PDE8A: variants seen among roughly 807,000 people sequenced by gnomAD.
PDE8A encodes the protein high affinity cAMP-specific and IBMX-insensitive 3',5'-cyclic phosphodiesterase 8A.
A neutral mutation model predicts 105.0 loss-of-function variants in PDE8A; 59 were observed. The observed-to-expected ratio is 0.56, with a 90% CI of 0.46 to 0.70. The LOEUF is 0.70. Ranked by LOEUF, PDE8A falls within the 30% of genes least tolerant of loss-of-function variation. The pLI, the probability that PDE8A is intolerant of heterozygous loss-of-function variation, is 0.00. For missense variants in PDE8A, 1,014 were observed against 1,045.9 expected (o/e 0.97, Z 0.42); for synonymous variants, 355 against 371.9 (o/e 0.95, Z 0.52).
intron 20 of PDE8A, among the ~76,000 whole-genome samples, chr15:85,134,387 G>A (rs2082373141): frequency 6.6e-6 from 1 of 152,196 alleles, no homozygotes; most frequent in Non-Finnish European, 1.5e-5. Context: ...ACAGGCCCAT[G>A]GGGTGTGAAC....
Position 85,125,413 on chromosome 15 carries a change from GTGGTTCTA to G in PDE8A, c.2086-792_2086-785del, listed in dbSNP as rs1402009038. ...ATTCTCTTCAGAGAGCCTACAAATA[GTGGTTCTA>G]TTACATCATAAATTGATCCATATCC... On this transcript the variant is annotated intron_variant, in intron 19 of 21. Transcript: ENST00000394553. 6.6e-5 allele frequency among the ~76,000 whole-genome samples: 10 copies of G among 152,200 alleles called. No individual in the cohort carries two copies. The South Asian group carries it at 2.1e-3, about 32-fold the overall frequency.
intron 11 of PDE8A, among the ~76,000 whole-genome samples, chr15:85,102,683 T>C (rs1025990194): frequency 1.3e-5 from 2 of 151,044 alleles, no homozygotes; most frequent in Admixed American, 6.6e-5. Context: ...CTACTAAAAA[T>C]ACAAAATTAG....
At chr15:85,052,196 C>T (rs1391645444) in intron 1 of PDE8A, among the ~76,000 whole-genome samples, 1 of 152,160 alleles carries the variant, frequency 6.6e-6, no homozygotes, top group Non-Finnish European at 1.5e-5. Flanking sequence ...TGTATATGTA[C>T]CACATTTGCT....
rs2079717337 is a variant in PDE8A at position 84,981,998 on chromosome 15, C to G, written c.-165C>G. On this transcript the variant is annotated 5_prime_UTR_variant, in exon 1 of 22. Coordinates refer to ENST00000394553, the MANE Select transcript of PDE8A (RefSeq NM_002605.3). Reference sequence around the variant, plus strand: ...GCCGCCGCCGCCGCAGCGCCCGCACCGCGATAAAAGGGGCGGCCGCGTTTC... The same window carrying G: ...GCCGCCGCCGCCGCAGCGCCCGCACGGCGATAAAAGGGGCGGCCGCGTTTC... 6.1e-6 allele frequency: 2 copies of G among 330,066 alleles called. No homozygotes were observed. Among genetic ancestry groups the G allele is most frequent in the South Asian group, 1.3e-4 (1 of 7,436 alleles). 20.4% of individuals were successfully genotyped at this position (330,066 alleles called of 1,614,324 possible). A position where few individuals can be genotyped will look rare whatever the true frequency, so the allele number is the denominator to read the frequency against.
upstream of PDE8A, among the ~76,000 whole-genome samples, chr15:84,981,437 T>C (rs2079705853): frequency 6.6e-6 from 1 of 152,020 alleles, no homozygotes; most frequent in Admixed American, 6.5e-5. Context: ...GCGCAGCCGT[T>C]TCTGCGCTTC....
At position 85,136,317 on chromosome 15, in the gene PDE8A, G is replaced by A. The variant is rs543255575; in HGVS notation, c.2254-217G>A. Among the ~76,000 whole-genome samples the A allele has an allele frequency of 6.0e-4, 91 of 152,318 alleles. 1 individual carries two copies. Among genetic ancestry groups the A allele is most frequent in the Admixed American group, 7.8e-4 (12 of 15,310 alleles). ...AGATGTTTAAAGTTTGGCTTGAGTT[G>A]GGGTGTCCTCAGACCCCACTGACAT... On this transcript the variant is annotated intron_variant, in intron 20 of 21. Transcript: ENST00000394553.
chr15:85,019,981 G>A (rs2080397057), intron 1 of PDE8A, among the ~76,000 whole-genome samples: 1 of 97,388 alleles, frequency 1.0e-5, no homozygotes, highest in Non-Finnish European at 1.9e-5. Context: ...GGCTTCCTGT[G>A]ACTAGGATTC....
rs970301146 is a variant in PDE8A at position 85,106,772 on chromosome 15, C to T, written c.1037-2281C>T. Among the ~76,000 whole-genome samples, 5 of 152,214 alleles carry T rather than the reference C, an allele frequency of 3.3e-5. No homozygotes were observed. The East Asian group carries it at 9.6e-4, about 29-fold the overall frequency. ...GAGATGAAAGGCAGGCTGCTGCAGGCCATCCTTACCTGCCCTTGAATGCCA... is the reference window on the plus strand; with the variant it reads ...GAGATGAAAGGCAGGCTGCTGCAGGTCATCCTTACCTGCCCTTGAATGCCA... On this transcript the variant is annotated intron_variant, in intron 11 of 21. Transcript: ENST00000394553.
At chr15:85,133,138 A>G (rs939936964) in intron 20 of PDE8A, among the ~76,000 whole-genome samples, 3 of 152,120 alleles carry the variant, frequency 2.0e-5, no homozygotes, top group South Asian at 4.1e-4. Flanking sequence ...CTGCATATAC[A>G]TACTCTTCTT....
intron 1 of PDE8A, among the ~76,000 whole-genome samples, chr15:85,001,665 A>G (rs1044932523): frequency 2.6e-5 from 4 of 152,208 alleles, no homozygotes; most frequent in Non-Finnish European, 5.9e-5. Flanking sequence ...TGAAGACGTC[A>G]TTACAAATCA....
chr15:84,997,686 A>T (rs757978195), intron 1 of PDE8A, among the ~76,000 whole-genome samples: 6 of 151,782 alleles, frequency 4.0e-5, no homozygotes, highest in Admixed American at 2.0e-4. Context: ...CCTGCCTCCC[A>T]GGTTCAAGCA....
At chr15:85,133,684 C>T (rs2082361600) in intron 20 of PDE8A, among the ~76,000 whole-genome samples, 2 of 152,126 alleles carry the variant, frequency 1.3e-5, no homozygotes. Flanking sequence ...ACTGATGTTA[C>T]TCCGGTGCTC....
At chr15:84,981,079 T>A (rs1209115547), upstream of PDE8A, among the ~76,000 whole-genome samples, 1 of 152,182 alleles carries the variant, frequency 6.6e-6, no homozygotes, top group East Asian at 1.9e-4. Flanking sequence ...GCTCCAGGGC[T>A]CACACTTGGT....
intron 3 of PDE8A, among the ~76,000 whole-genome samples, chr15:85,073,191 T>TC (rs1482890704): frequency 2.0e-5 from 3 of 152,224 alleles, no homozygotes; most frequent in African/African-American, 7.2e-5. Context: ...AGGATCGCAC[T>TC]CCATCTTTTT....
chr15:85,051,802 A>G (rs542427356), intron 1 of PDE8A, among the ~76,000 whole-genome samples: 5 of 151,978 alleles, frequency 3.3e-5, no homozygotes, highest in Admixed American at 6.6e-5. Context: ...TTTCCTTTTT[A>G]TGGCTGCACA....
chr15:85,087,105 T>C (rs1211735244), intron 6 of PDE8A, among the ~76,000 whole-genome samples: 2 of 152,134 alleles, frequency 1.3e-5, no homozygotes, highest in Admixed American at 6.5e-5. Flanking sequence ...TCTCCTGGTT[T>C]TTTTTACATG....
At chr15:85,136,005 G>A (rs966080683) in intron 20 of PDE8A, among the ~76,000 whole-genome samples, 3 of 152,100 alleles carry the variant, frequency 2.0e-5, no homozygotes, top group Non-Finnish European at 2.9e-5. Context: ...GTGGAAGGAC[G>A]GCTGGACTGT....
intron 13 of PDE8A, 82 bp downstream of exon 13, chr15:85,113,529 G>A: frequency 8.5e-7 from 1 of 1,180,886 alleles, no homozygotes. Flanking sequence ...AGAAGAAACA[G>A]GGACCCGCAG....
At chr15:85,055,828 T>G (rs1292742812) in intron 1 of PDE8A, among the ~76,000 whole-genome samples, 1 of 152,198 alleles carries the variant, frequency 6.6e-6, no homozygotes, top group Admixed American at 6.5e-5. Context: ...AATATTGTTA[T>G]GTGTGAATTT....
Sources: gnomAD v4.1 joint callset for allele counts (sites outside exome capture counted in the v4.1 genomes callset) on GRCh38, gnomAD v4.1.1 for gene constraint, MANE v1.5 for transcripts, NCBI Gene and HGNC (gene_info 2026-07-23, HGNC 2026-07-21) for gene names.